ADAMTS12: variants seen among roughly 807,000 people sequenced by gnomAD.
ADAMTS12 encodes ADAM metallopeptidase with thrombospondin type 1 motif 12.
Under a neutral mutation model 167.8 loss-of-function variants are expected in ADAMTS12, and 118 were observed. That is an observed-to-expected ratio of 0.70 (90% CI 0.61 to 0.82). ADAMTS12 has a LOEUF of 0.82. Ranked by LOEUF, ADAMTS12 falls within the 40% of genes least tolerant of loss-of-function variation. The pLI, the probability that ADAMTS12 is intolerant of heterozygous loss-of-function variation, is 0.00. For synonymous variants in ADAMTS12, 704 were observed against 716.9 expected (o/e 0.98, Z 0.29); for missense variants, 1,916 against 1,998.8 (o/e 0.96, Z 0.79).
At chr5:33,686,843 C>T (rs904223177) in intron 3 of ADAMTS12, among the ~76,000 whole-genome samples, 3 of 148,738 alleles carry the variant, frequency 2.0e-5, no homozygotes, top group Admixed American at 6.7e-5. Context: ...CCTGCTGTGT[C>T]CTCATCTGTC....
At chr5:33,779,884 G>A (rs1204591155) in intron 2 of ADAMTS12, among the ~76,000 whole-genome samples, 1 of 152,140 alleles carries the variant, frequency 6.6e-6, no homozygotes, top group East Asian at 1.9e-4. Context: ...ATAAGTTCTG[G>A]AGAGCTAATG....
chr5:33,574,233 A>C (rs62351109), intron 19 of ADAMTS12, among the ~76,000 whole-genome samples: 119 of 148,664 alleles, frequency 8.0e-4, no homozygotes, highest in African/African-American at 2.4e-3. Context: ...TTGACCCAGC[A>C]ATCCCATTAC....
intron 15 of ADAMTS12, among the ~76,000 whole-genome samples, chr5:33,615,328 C>A (rs1738943574): frequency 6.6e-6 from 1 of 152,216 alleles, no homozygotes; most frequent in African/African-American, 2.4e-5. Flanking sequence ...TGCCTTGCTG[C>A]TATCGGTATA....
chr5:33,821,790 C>T (rs56270723), intron 2 of ADAMTS12, among the ~76,000 whole-genome samples: 21,863 of 152,160 alleles, frequency 0.14, 2,036 homozygotes, highest in South Asian at 0.38. Flanking sequence ...ACTTGCTATA[C>T]AGATGTTAAT....
intron 9 of ADAMTS12, among the ~76,000 whole-genome samples, chr5:33,646,222 C>T (rs1427301996): frequency 6.6e-6 from 1 of 152,144 alleles, no homozygotes; most frequent in African/African-American, 2.4e-5. Flanking sequence ...CTTCTAAAAT[C>T]ATGCATAATA....
At chr5:33,826,580 GTGTGTGTATA>G (rs1453075529) in intron 2 of ADAMTS12, among the ~76,000 whole-genome samples, 1 of 25,892 alleles carries the variant, frequency 3.9e-5, no homozygotes, top group African/African-American at 1.1e-4. Context: ...GTATGTGTGT[GTGTGTGTATA>G]TATATATATA....
intron 5 of ADAMTS12, among the ~76,000 whole-genome samples, chr5:33,673,362 T>G (rs1283052668): frequency 2.0e-5 from 3 of 152,204 alleles, no homozygotes; most frequent in Non-Finnish European, 2.9e-5. Context: ...ACAGGTACTT[T>G]CAACTCAGCA....
chr5:33,542,424 A>G (rs1166252695), intron 22 of ADAMTS12, among the ~76,000 whole-genome samples: 1 of 152,172 alleles, frequency 6.6e-6, no homozygotes, highest in African/African-American at 2.4e-5. Flanking sequence ...GGAGACTTTA[A>G]CACCCCACTG....
intron 13 of ADAMTS12, among the ~76,000 whole-genome samples, chr5:33,628,427 A>C (rs969967576): frequency 2.6e-5 from 4 of 152,314 alleles, no homozygotes; most frequent in Admixed American, 1.3e-4. Context: ...ACTAAAAAAA[A>C]CTAGGGGGAA....
At chr5:33,588,939 T>G in intron 17 of ADAMTS12, 130 bp from the exon 18 acceptor site, 1 of 1,113,206 alleles carries the variant, frequency 9.0e-7, no homozygotes. Flanking sequence ...TCCAACCCAC[T>G]AGGGGGCGTG....
chr5:33,829,535 C>G (rs1164777512), intron 2 of ADAMTS12, among the ~76,000 whole-genome samples: 2 of 152,142 alleles, frequency 1.3e-5, no homozygotes, highest in Non-Finnish European at 2.9e-5. Context: ...ACTTCAAATT[C>G]AGCCTGGAAG....
intron 20 of ADAMTS12, among the ~76,000 whole-genome samples, chr5:33,550,733 C>T (rs566579841): frequency 6.6e-6 from 1 of 152,204 alleles, no homozygotes; most frequent in South Asian, 2.1e-4. Context: ...AACTGCAGAG[C>T]AACTTTGATT....
intron 19 of ADAMTS12, among the ~76,000 whole-genome samples, chr5:33,568,066 T>C (rs1304717214): frequency 1.3e-5 from 2 of 152,346 alleles, no homozygotes; most frequent in South Asian, 4.1e-4. Context: ...AGAGAATTTA[T>C]GCTCATTAGC....
intron 2 of ADAMTS12, among the ~76,000 whole-genome samples, chr5:33,822,092 C>T (rs1202883381): frequency 6.6e-6 from 1 of 152,176 alleles, no homozygotes; most frequent in Non-Finnish European, 1.5e-5. Flanking sequence ...CACTCCTGGT[C>T]TCCTCTCTAT....
intron 3 of ADAMTS12, among the ~76,000 whole-genome samples, chr5:33,688,190 A>G (rs769739717): frequency 5.3e-5 from 8 of 152,212 alleles, no homozygotes; most frequent in Non-Finnish European, 1.0e-4. Context: ...TGTATGAACC[A>G]CAAGCAAAGA....
intron 19 of ADAMTS12, among the ~76,000 whole-genome samples, chr5:33,574,424 A>T (rs1484727496): frequency 1.3e-5 from 2 of 152,242 alleles, no homozygotes; most frequent in Non-Finnish European, 2.9e-5. Flanking sequence ...GTCATAAAAA[A>T]TGATGAGTTC....
At chr5:33,838,484 A>C (rs1382305979) in intron 2 of ADAMTS12, among the ~76,000 whole-genome samples, 1 of 152,182 alleles carries the variant, frequency 6.6e-6, no homozygotes, top group African/African-American at 2.4e-5. Flanking sequence ...GGAGTTCAAG[A>C]CCAGCCTGGC....
intron 2 of ADAMTS12, among the ~76,000 whole-genome samples, chr5:33,848,492 A>G (rs1749032305): frequency 6.6e-6 from 1 of 152,230 alleles, no homozygotes; most frequent in African/African-American, 2.4e-5. Flanking sequence ...TGTCTGTAGG[A>G]TGTTTCCTAT....
At chr5:33,693,832 A>G (rs1300324994) in intron 3 of ADAMTS12, among the ~76,000 whole-genome samples, 1 of 152,208 alleles carries the variant, frequency 6.6e-6, no homozygotes, top group Non-Finnish European at 1.5e-5. Context: ...ATCAGGCAAG[A>G]AAAAGAAATA....
Sources: gnomAD v4.1 joint callset for allele counts (sites outside exome capture counted in the v4.1 genomes callset) on GRCh38, gnomAD v4.1.1 for gene constraint, MANE v1.5 for transcripts, NCBI Gene and HGNC (gene_info 2026-07-23, HGNC 2026-07-21) for gene names.